The following SEZ6L variants were observed in gnomAD, a reference collection of about 807,000 sequenced individuals.
The protein encoded by SEZ6L is seizure related 6 homolog like.
SEZ6L carries 37 observed loss-of-function variants against 106.2 expected under a neutral mutation model. The observed-to-expected ratio is 0.35, with a 90% CI of 0.27 to 0.46. The LOEUF (loss-of-function observed/expected upper bound fraction) is 0.46, where lower values mean the gene tolerates loss of function less well. SEZ6L is among the 20% of genes least tolerant of loss of function. The pLI is 1.00. For synonymous variants in SEZ6L, 541 were observed against 570.4 expected, an observed-to-expected ratio of 0.95 and a Z score of 0.73; for missense variants, 1,172 against 1,332.8, an observed-to-expected ratio of 0.88 and a Z score of 1.88.
intron 1 of SEZ6L, among the ~76,000 whole-genome samples, chr22:26,271,253 A>G (rs1387771998): frequency 1.3e-5 from 2 of 152,254 alleles, no homozygotes; most frequent in Admixed American, 6.5e-5. Flanking sequence ...TTACAGCATC[A>G]TAGGAAAGCA....
At chr22:26,246,255 C>A (rs1381142550) in intron 1 of SEZ6L, among the ~76,000 whole-genome samples, 1 of 152,214 alleles carries the variant, frequency 6.6e-6, no homozygotes. Context: ...CCTTGTAAGA[C>A]ACAGCCTCTC....
rs544509844 is a variant in SEZ6L at position 26,309,861 on chromosome 22, G to A, written c.1515-809G>A. ...CCCAAACTGCTGAGATTATAGACTT[G>A]AGCCACCATGCCCCACACTCTGATA... On this transcript the variant is annotated intron_variant, in intron 6 of 16. Transcript: ENST00000248933. Among the ~76,000 whole-genome samples the A allele has an allele frequency of 3.3e-5, 5 of 152,034 alleles. No homozygotes were observed. In the South Asian group the frequency reaches 6.2e-4, roughly 19 times the overall value.
intron 1 of SEZ6L, among the ~76,000 whole-genome samples, chr22:26,192,545 C>T (rs1940298209): frequency 6.6e-6 from 1 of 152,224 alleles, no homozygotes; most frequent in African/African-American, 2.4e-5. Flanking sequence ...CTTTTATGAA[C>T]ACTAAATTTA....
At chr22:26,191,650 T>G (rs1940229767) in intron 1 of SEZ6L, among the ~76,000 whole-genome samples, 1 of 152,102 alleles carries the variant, frequency 6.6e-6, no homozygotes, top group African/African-American at 2.4e-5. Context: ...GGGCTTAATA[T>G]CTAGGTGACA....
chr22:26,338,565 A>C (rs568464335), intron 9 of SEZ6L, among the ~76,000 whole-genome samples: 2,244 of 144,598 alleles, frequency 0.016, 33 homozygotes, highest in Admixed American at 0.041. Flanking sequence ...ACCAAAAAAA[A>C]AAAATTTTTT....
rs778254534 is a variant in SEZ6L, at chr22:26,313,919, G to C, written c.2015+17G>C. On this transcript the variant is annotated intron_variant, in intron 9 of 16. Coordinates refer to ENST00000248933, the MANE Select transcript of SEZ6L (RefSeq NM_021115.5). Reference sequence around the variant, plus strand: ...TATCCAGTTGTGAGTGTTTAAAATGGGTGGCCCTCTAATTTGGCAAAATTT... The same window carrying C: ...TATCCAGTTGTGAGTGTTTAAAATGCGTGGCCCTCTAATTTGGCAAAATTT... 3.8e-6 allele frequency: 6 copies of C among 1,584,036 alleles called. No individual in the cohort carries two copies. The highest frequency in any genetic ancestry group is 5.2e-6 in the Non-Finnish European group (6 of 1,155,320).
chr22:26,330,927 G>C (rs1391176748), intron 9 of SEZ6L, among the ~76,000 whole-genome samples: 3 of 152,164 alleles, frequency 2.0e-5, no homozygotes, highest in African/African-American at 7.2e-5. Flanking sequence ...ACCTAAAATT[G>C]TCCTGTGAAT....
intron 4 of SEZ6L, among the ~76,000 whole-genome samples, chr22:26,298,316 T>C (rs770648253): frequency 2.0e-5 from 3 of 152,190 alleles, no homozygotes; most frequent in Non-Finnish European, 2.9e-5. Flanking sequence ...TAGGATGAAT[T>C]TGACATCCTC....
At chr22:26,320,559 C>T (rs1470591509) in intron 9 of SEZ6L, among the ~76,000 whole-genome samples, 1 of 152,218 alleles carries the variant, frequency 6.6e-6, no homozygotes, top group Non-Finnish European at 1.5e-5. Context: ...ATTTATTGAG[C>T]ATCCACTATG....
intron 12 of SEZ6L, among the ~76,000 whole-genome samples, chr22:26,354,391 C>A (rs952822822): frequency 6.6e-6 from 1 of 152,122 alleles, no homozygotes; most frequent in Admixed American, 6.5e-5. Flanking sequence ...AGGAAGGACC[C>A]CCCCCAACCG....
intron 1 of SEZ6L, among the ~76,000 whole-genome samples, chr22:26,192,411 A>G (rs1410745594): frequency 6.6e-6 from 1 of 152,218 alleles, no homozygotes; most frequent in African/African-American, 2.4e-5. Flanking sequence ...TTTTGAAACT[A>G]TATTGTTACC....
intron 1 of SEZ6L, among the ~76,000 whole-genome samples, chr22:26,275,331 C>T (rs569718570): frequency 7.9e-5 from 12 of 152,040 alleles, no homozygotes; most frequent in Non-Finnish European, 1.5e-4. Context: ...TAACTGTAGG[C>T]CTATGTAAGT....
In SEZ6L at chr22:26,187,499, C is replaced by T. The variant is rs1257099615; in HGVS notation, c.94+17736C>T. Among the ~76,000 whole-genome samples, 5 of 152,354 alleles carry T rather than the reference C, an allele frequency of 3.3e-5. No individual in the cohort carries two copies. The East Asian group carries it at 9.6e-4, about 29-fold the overall frequency. ...GAGGGAGGCTGATGCTCTGCACTTA[C>T]TAAAACATCCACAGGATTCCCAGCC... On this transcript the variant is annotated intron_variant, in intron 1 of 16. Transcript: ENST00000248933.
At chr22:26,208,190 C>T (rs1027249284) in intron 1 of SEZ6L, among the ~76,000 whole-genome samples, 1 of 152,130 alleles carries the variant, frequency 6.6e-6, no homozygotes, top group Non-Finnish European at 1.5e-5. Context: ...GCTGGGATTA[C>T]AGGCGTGAGC....
At chr22:26,231,223 T>C (rs772524708) in intron 1 of SEZ6L, among the ~76,000 whole-genome samples, 17 of 152,118 alleles carry the variant, frequency 1.1e-4, no homozygotes, top group Non-Finnish European at 2.5e-4. Context: ...TAAGGGGTGG[T>C]TTATGCAGAA....
At chr22:26,172,642 A>G (rs766401618) in intron 1 of SEZ6L, among the ~76,000 whole-genome samples, 2 of 152,222 alleles carry the variant, frequency 1.3e-5, no homozygotes, top group African/African-American at 2.4e-5. Context: ...TGACCTGTGA[A>G]CAACCAGGTG....
chr22:26,208,846 CTCTCTGTGTGTGTGTGTGTG>C (rs1254418833), intron 1 of SEZ6L, among the ~76,000 whole-genome samples: 23 of 118,108 alleles, frequency 1.9e-4, no homozygotes, highest in African/African-American at 6.9e-4. Flanking sequence ...TCTTGACTCT[CTCTCTGTGTGTGTGTGTGTG>C]TGTGTGTGTG....
At chr22:26,261,097 T>G (rs1288939848) in intron 1 of SEZ6L, among the ~76,000 whole-genome samples, 1 of 152,144 alleles carries the variant, frequency 6.6e-6, no homozygotes, top group African/African-American at 2.4e-5. Flanking sequence ...TTTTTCTTGC[T>G]AATTTATTTA....
intron 1 of SEZ6L, among the ~76,000 whole-genome samples, chr22:26,243,802 C>T (rs185243619): frequency 6.6e-6 from 1 of 152,190 alleles, no homozygotes; most frequent in East Asian, 1.9e-4. Flanking sequence ...TTTTATTTAA[C>T]CCATTAAGCC....
Sources: gnomAD v4.1 joint callset for allele counts (sites outside exome capture counted in the v4.1 genomes callset) on GRCh38, gnomAD v4.1.1 for gene constraint, MANE v1.5 for transcripts, NCBI Gene and HGNC (gene_info 2026-07-23, HGNC 2026-07-21) for gene names.